CALCRL: variants seen among roughly 807,000 people sequenced by gnomAD.
CALCRL encodes calcitonin gene-related peptide type 1 receptor.
Under a neutral mutation model 60.4 loss-of-function variants are expected in CALCRL, and 27 were observed. The ratio of observed to expected loss-of-function variants is 0.45; its 90% CI spans 0.33 to 0.62. The LOEUF (loss-of-function observed/expected upper bound fraction) is 0.62. Ranked by LOEUF, CALCRL falls within the 20% of genes least tolerant of loss-of-function variation. The pLI is 0.03. For missense variants in CALCRL, 424 were observed against 540.7 expected, an observed-to-expected ratio of 0.78 and a Z score of 2.14; for synonymous variants, 190 against 182.6, an observed-to-expected ratio of 1.04 and a Z score of -0.33.
chr2:187,364,002 TAAC>T (rs1687170804), intron 8 of CALCRL, among the ~76,000 whole-genome samples: 1 of 152,110 alleles, frequency 6.6e-6, no homozygotes, highest in South Asian at 2.1e-4. Context: ...CTGGAAAAAA[TAAC>T]AAAGTACTCA....
rs943399846 is a variant in CALCRL, at chr2:187,379,006, G to A, written c.434C>T (p.Thr145Ile). The part of the protein sequence containing the change: ...VKTALNLFYL[T>I]IIGHGLSIAS... ...AATAGACAATCCGTGTCCAATTATG[G>A]TCAGGTAAAACAAATTTAGTGCAGT... The change falls in exon 8 of 15, where the codon ACC (threonine) becomes ATC (isoleucine). Residue 145 changes from threonine (T) to isoleucine (I), a missense_variant. By Grantham distance (89) the Thr-to-Ile change is moderately conservative. Coordinates refer to ENST00000392370, the MANE Select transcript of CALCRL (RefSeq NM_005795.6). 4 of 1,606,816 alleles carry A rather than the reference G, an allele frequency of 2.5e-6. No individual in the cohort carries two copies. In the Admixed American group the frequency reaches 5.0e-5, roughly 20 times the overall value.
intron 1 of CALCRL, among the ~76,000 whole-genome samples, chr2:187,441,654 G>T (rs963984096): frequency 1.4e-4 from 21 of 151,986 alleles, no homozygotes; most frequent in African/African-American, 4.8e-4. Context: ...TTCTTTGACA[G>T]AAATAAACTC....
chr2:187,350,940 G>A (rs1686502899), intron 14 of CALCRL, among the ~76,000 whole-genome samples: 2 of 151,624 alleles, frequency 1.3e-5, no homozygotes, highest in Non-Finnish European at 1.5e-5. Context: ...AACATATAAA[G>A]AGCTAAGTCA....
chr2:187,437,775 A>G (rs1690716177), intron 1 of CALCRL, among the ~76,000 whole-genome samples: 1 of 152,194 alleles, frequency 6.6e-6, no homozygotes, highest in Non-Finnish European at 1.5e-5. Flanking sequence ...GGATAGTGGT[A>G]GGAAGAAGCC....
At chr2:187,385,690 A>C in intron 3 of CALCRL, 59 bp from the exon 4 acceptor site, 1 of 821,180 alleles carries the variant, frequency 1.2e-6, no homozygotes, top group East Asian at 2.8e-5. Flanking sequence ...AATGCAGATG[A>C]TTCTCAACAG....
At position 187,437,459 on chromosome 2, in the gene CALCRL, G is replaced by A. The variant is rs553340717; in HGVS notation, c.-293+10580C>T. On this transcript the variant is annotated intron_variant, in intron 1 of 14. Coordinates refer to ENST00000392370, the MANE Select transcript of CALCRL (RefSeq NM_005795.6). ...CTTTCAAGGCTTTTATTTATGTAAA[G>A]TTTATCTTAAGTGCCTTTTACATTA... Among the ~76,000 whole-genome samples the A allele has an allele frequency of 2.0e-5, 3 of 152,148 alleles. No individual in the cohort carries two copies. The South Asian group carries it at 6.2e-4, about 32-fold the overall frequency.
At chr2:187,416,840 T>C (rs1429969925) in intron 1 of CALCRL, among the ~76,000 whole-genome samples, 1 of 152,082 alleles carries the variant, frequency 6.6e-6, no homozygotes, top group Non-Finnish European at 1.5e-5. Flanking sequence ...TGTTCATCAA[T>C]AAAGACCTAT....
At chr2:187,405,155 T>C (rs1294487286) in intron 1 of CALCRL, among the ~76,000 whole-genome samples, 17 of 152,012 alleles carry the variant, frequency 1.1e-4, no homozygotes, top group Admixed American at 1.1e-3. Flanking sequence ...GACTAGGAAG[T>C]GATAACTGCT....
intron 1 of CALCRL, among the ~76,000 whole-genome samples, chr2:187,396,022 TTGTTGTTGTTG>T (rs1559059910): frequency 6.9e-5 from 3 of 43,546 alleles, no homozygotes. Flanking sequence ...CTGACACTGT[TTGTTGTTGTTG>T]TTGTTGTTGT....
At chr2:187,377,459 G>C (rs1687805505) in intron 8 of CALCRL, among the ~76,000 whole-genome samples, 1 of 152,072 alleles carries the variant, frequency 6.6e-6, no homozygotes, top group Non-Finnish European at 1.5e-5. Flanking sequence ...TTGTAAAGAT[G>C]GGTCACTCTG....
intron 12 of CALCRL, among the ~76,000 whole-genome samples, chr2:187,356,945 A>G (rs2110801): frequency 1.6e-3 from 251 of 152,328 alleles, no homozygotes; most frequent in Middle Eastern, 3.4e-3. Context: ...AATCAAAACC[A>G]CAATGAGATA....
At chr2:187,395,180 C>G (rs1383372709) in intron 1 of CALCRL, among the ~76,000 whole-genome samples, 1 of 152,058 alleles carries the variant, frequency 6.6e-6, no homozygotes, top group Non-Finnish European at 1.5e-5. Flanking sequence ...ACTCCAAGCT[C>G]AGAACTCAGG....
rs529091465 is a variant in CALCRL at position 187,358,938 on chromosome 2, T to A, written c.909+125A>T. 1.3e-4 allele frequency: 102 copies of A among 799,208 alleles called. 1 individual carries two copies. The South Asian group carries it at 1.3e-3, about 10-fold the overall frequency. The allele number at this position is 799,208 out of a possible 1,614,324, so 49.5% of individuals were successfully genotyped here. ...ATACCTTCACTAAACGCTATTCATT[T>A]AAGCACTGTGAACATGCATGTCCAT... On this transcript the variant is annotated intron_variant, in intron 12 of 14. Transcript: ENST00000392370.
At chr2:187,413,029 G>T (rs1689433195) in intron 1 of CALCRL, among the ~76,000 whole-genome samples, 1 of 152,076 alleles carries the variant, frequency 6.6e-6, no homozygotes, top group Non-Finnish European at 1.5e-5. Flanking sequence ...GACAACATAA[G>T]CATAGTAAGC....
intron 8 of CALCRL, among the ~76,000 whole-genome samples, chr2:187,366,457 G>T (rs1310717262): frequency 6.6e-6 from 1 of 151,792 alleles, no homozygotes; most frequent in Non-Finnish European, 1.5e-5. Flanking sequence ...TTGGGAAGAT[G>T]GATATGCTAA....
At chr2:187,446,100 C>T (rs1285243004) in intron 1 of CALCRL, among the ~76,000 whole-genome samples, 1 of 151,582 alleles carries the variant, frequency 6.6e-6, no homozygotes, top group Non-Finnish European at 1.5e-5. Context: ...TATTTCAGCT[C>T]ACATTATTCA....
intron 8 of CALCRL, among the ~76,000 whole-genome samples, chr2:187,376,525 A>G (rs906676774): frequency 6.6e-6 from 1 of 152,122 alleles, no homozygotes; most frequent in African/African-American, 2.4e-5. Flanking sequence ...TGAATACTCT[A>G]CATTTGTTGG....
At chr2:187,360,112 G>T (rs972457458) in intron 10 of CALCRL, among the ~76,000 whole-genome samples, 5 of 152,002 alleles carry the variant, frequency 3.3e-5, no homozygotes, top group African/African-American at 7.2e-5. Context: ...TCAGGATATT[G>T]TGTAGAAAAA....
rs751304343 is a variant in CALCRL, at chr2:187,387,320, A to G, written c.-37+9T>C. ...TTTGTGCCATTGCTAGCCCTCGCCA[A>G]TGACTCACCTAGAAGTTGTAGCAAT... On this transcript the variant is annotated intron_variant, in intron 3 of 14. Transcript: ENST00000392370. The G allele has an allele frequency of 7.1e-5, 11 of 155,656 alleles. No homozygotes were observed. Among genetic ancestry groups the G allele is most frequent in the East Asian group, 1.9e-4 (1 of 5,398 alleles). 9.6% of individuals were successfully genotyped at this position (155,656 alleles called of 1,614,324 possible). A position where few individuals can be genotyped will look rare whatever the true frequency, so the allele number is the denominator to read the frequency against.
Sources: allele counts gnomAD v4.1 joint callset (sites outside exome capture counted in the v4.1 genomes callset), GRCh38; gene constraint gnomAD v4.1.1; transcripts MANE v1.5; gene names NCBI Gene and HGNC (gene_info 2026-07-23, HGNC 2026-07-21).